Variants in KCND2 observed in about 807,000 individuals in gnomAD.
KCND2 encodes the protein A-type voltage-gated potassium channel KCND2.
In KCND2, 16 loss-of-function variants were observed where a neutral mutation model predicts 54.4. The ratio of observed to expected loss-of-function variants is 0.29; its 90% CI spans 0.20 to 0.45. The LOEUF (loss-of-function observed/expected upper bound fraction) is 0.45. Among genes scored for constraint, KCND2 ranks in the 20% least tolerant of loss-of-function variants. KCND2 has a pLI of 1.00. For missense variants in KCND2, 486 were observed against 824.2 expected, an observed-to-expected ratio of 0.59 and a Z score of 5.02; for synonymous variants, 317 against 310.7, an observed-to-expected ratio of 1.02 and a Z score of -0.21.
At chr7:120,298,804 G>C (rs1327198398) in intron 1 of KCND2, among the ~76,000 whole-genome samples, 1 of 152,172 alleles carries the variant, frequency 6.6e-6, no homozygotes, top group Admixed American at 6.5e-5. Context: ...GTGTAGCGAA[G>C]TCTTACGCTT....
At chr7:120,698,400 T>A in intron 1 of KCND2, among the ~76,000 whole-genome samples, 1 of 152,218 alleles carries the variant, frequency 6.6e-6, no homozygotes, top group Non-Finnish European at 1.5e-5. Flanking sequence ...CTAAAACTCT[T>A]TGTGGCTCAG....
At chr7:120,571,078 A>G (rs1792360068) in intron 1 of KCND2, among the ~76,000 whole-genome samples, 1 of 152,048 alleles carries the variant, frequency 6.6e-6, no homozygotes, top group Non-Finnish European at 1.5e-5. Context: ...TCCCACAACT[A>G]CACCCCTACG....
intron 1 of KCND2, among the ~76,000 whole-genome samples, chr7:120,433,253 C>T (rs1801819960): frequency 6.6e-6 from 1 of 152,172 alleles, no homozygotes; most frequent in African/African-American, 2.4e-5. Flanking sequence ...TGAGAGGGTG[C>T]CACGTCCCCT....
chr7:120,702,595 G>A (rs1416217554), intron 1 of KCND2, among the ~76,000 whole-genome samples: 1 of 152,178 alleles, frequency 6.6e-6, no homozygotes, highest in Non-Finnish European at 1.5e-5. Flanking sequence ...ATACACCATG[G>A]AATACTATGC....
intron 1 of KCND2, among the ~76,000 whole-genome samples, chr7:120,693,610 A>G (rs1165789130): frequency 6.6e-6 from 1 of 152,198 alleles, no homozygotes; most frequent in Non-Finnish European, 1.5e-5. Context: ...AGGGAAGTTA[A>G]CTGGCTTCCA....
At chr7:120,740,598 A>C (rs1034073088) in intron 2 of KCND2, among the ~76,000 whole-genome samples, 1 of 152,114 alleles carries the variant, frequency 6.6e-6, no homozygotes, top group Non-Finnish European at 1.5e-5. Context: ...GCAGTTAGAA[A>C]GTAGAATGGA....
chr7:120,466,490 T>C (rs1802371115), intron 1 of KCND2, among the ~76,000 whole-genome samples: 2 of 152,086 alleles, frequency 1.3e-5, no homozygotes, highest in Non-Finnish European at 2.9e-5. Context: ...GCACAATACT[T>C]CCAGGTATGT....
At chr7:120,606,607 G>A (rs1562886391) in intron 1 of KCND2, among the ~76,000 whole-genome samples, 1 of 152,070 alleles carries the variant, frequency 6.6e-6, no homozygotes, top group Non-Finnish European at 1.5e-5. Context: ...TGTCCCAGTA[G>A]TCATTGAAAA....
intron 1 of KCND2, among the ~76,000 whole-genome samples, chr7:120,593,322 T>C (rs1237313001): frequency 2.0e-5 from 3 of 152,180 alleles, no homozygotes; most frequent in Non-Finnish European, 4.4e-5. Context: ...AACCTCCTGA[T>C]TGATTCACCG....
chr7:120,617,956 C>T (rs1793049070), intron 1 of KCND2, among the ~76,000 whole-genome samples: 1 of 152,116 alleles, frequency 6.6e-6, no homozygotes, highest in Non-Finnish European at 1.5e-5. Context: ...GGGAGCTAAA[C>T]ACTGAGTACA....
chr7:120,355,288 C>T (rs953552480), intron 1 of KCND2, among the ~76,000 whole-genome samples: 7 of 152,186 alleles, frequency 4.6e-5, no homozygotes, highest in African/African-American at 1.7e-4. Flanking sequence ...TGGCTCATGC[C>T]ATAATCCCAG....
intron 1 of KCND2, among the ~76,000 whole-genome samples, chr7:120,375,807 T>C (rs1365789592): frequency 6.6e-6 from 1 of 151,848 alleles, no homozygotes; most frequent in East Asian, 1.9e-4. Flanking sequence ...AAATAACTAC[T>C]TTCTGCCCCC....
At chr7:120,302,601 A>G (rs1165618625) in intron 1 of KCND2, among the ~76,000 whole-genome samples, 2 of 152,178 alleles carry the variant, frequency 1.3e-5, no homozygotes. Context: ...TAAACACACT[A>G]TTAAAAGGGT....
intron 1 of KCND2, among the ~76,000 whole-genome samples, chr7:120,447,274 G>T (rs2116209365): frequency 6.6e-6 from 1 of 150,842 alleles, no homozygotes; most frequent in South Asian, 2.1e-4. Flanking sequence ...CTCTCTAAAG[G>T]CAAGAATGGA....
At chr7:120,499,901 C>G (rs999562056) in intron 1 of KCND2, among the ~76,000 whole-genome samples, 7 of 152,114 alleles carry the variant, frequency 4.6e-5, no homozygotes, top group Non-Finnish European at 1.0e-4. Flanking sequence ...GAGCACCAGT[C>G]TCTATGTGAT....
In KCND2 at chr7:120,650,403, C is replaced by T. The variant is rs1034908083; in HGVS notation, c.1116-82500C>T. ...ATTGATACCCTTTCTTTCAGTTGAT[C>T]GAATCAGCTACTGAAGCTGTGCATT... On this transcript the variant is annotated intron_variant, in intron 1 of 5. Coordinates refer to ENST00000331113, the MANE Select transcript of KCND2 (RefSeq NM_012281.3). Among the ~76,000 whole-genome samples, 50 of 118,054 alleles carry T rather than the reference C, an allele frequency of 4.2e-4. 12 individuals are homozygous for T. Among genetic ancestry groups the T allele is most frequent in the African/African-American group, 2.6e-3 (47 of 18,268 alleles). 77.4% of individuals were successfully genotyped at this position (118,054 alleles called of 152,430 possible). A position where few individuals can be genotyped will look rare whatever the true frequency, so the allele number is the denominator to read the frequency against.
At chr7:120,438,889 C>A (rs2116188485) in intron 1 of KCND2, among the ~76,000 whole-genome samples, 1 of 152,124 alleles carries the variant, frequency 6.6e-6, no homozygotes, top group South Asian at 2.1e-4. Context: ...TTATTTTAAG[C>A]AAATTTTCCC....
intron 1 of KCND2, among the ~76,000 whole-genome samples, chr7:120,705,684 G>T (rs1792459010): frequency 6.6e-6 from 1 of 152,104 alleles, no homozygotes; most frequent in Non-Finnish European, 1.5e-5. Context: ...TTTCCTGGTT[G>T]CCAGGAATGG....
chr7:120,491,293 A>G, intron 1 of KCND2, among the ~76,000 whole-genome samples: 1 of 152,144 alleles, frequency 6.6e-6, no homozygotes, highest in East Asian at 1.9e-4. Flanking sequence ...TGTATTAATT[A>G]ATTTTGTGAC....
Sources: gnomAD v4.1 joint callset for allele counts (sites outside exome capture counted in the v4.1 genomes callset) on GRCh38, gnomAD v4.1.1 for gene constraint, MANE v1.5 for transcripts, NCBI Gene and HGNC (gene_info 2026-07-23, HGNC 2026-07-21) for gene names.